BACH1: variants seen among roughly 807,000 people sequenced by gnomAD.
BACH1 encodes the protein BTB domain and CNC homolog 1.
In BACH1, 35 loss-of-function variants were observed where a neutral mutation model predicts 52.9. The ratio of observed to expected loss-of-function variants is 0.66; its 90% confidence interval spans 0.51 to 0.88. BACH1 has a LOEUF of 0.88. BACH1 is among the 40% of genes least tolerant of loss of function. The pLI is 0.00. For missense variants in BACH1, 808 were observed against 872.6 expected, an observed-to-expected ratio of 0.93 and a Z score of 0.93; for synonymous variants, 321 against 319.6, an observed-to-expected ratio of 1.00 and a Z score of -0.05.
chr21:29,331,375 T>C (rs1336108393), intron 4 of BACH1, among the ~76,000 whole-genome samples: 2 of 152,204 alleles, frequency 1.3e-5, no homozygotes, highest in Non-Finnish European at 2.9e-5. Flanking sequence ...AAAATAAAAA[T>C]AAAAGCGAAA....
intron 1 of BACH1, among the ~76,000 whole-genome samples, chr21:29,313,987 A>G (rs917971329): frequency 1.2e-4 from 18 of 152,212 alleles, no homozygotes; most frequent in African/African-American, 4.1e-4. Context: ...TCATACCTCA[A>G]AGTTGCTTAA....
intron 1 of BACH1, among the ~76,000 whole-genome samples, chr21:29,302,785 T>G (rs2088617697): frequency 6.6e-6 from 1 of 152,262 alleles, no homozygotes; most frequent in South Asian, 2.1e-4. Context: ...TGATCACAAG[T>G]GAGACTGGAA....
Position 29,327,234 on chromosome 21 carries a change from A to C in BACH1, c.1410A>C (p.Glu470Asp), listed in dbSNP as rs1355438620. The change falls in exon 3 of 5, where the codon GAA (glutamate) becomes GAC (aspartate). Residue 470 changes from glutamate (E) to aspartate (D), a missense_variant. Physicochemically the swap from Glu to Asp is conservative, Grantham distance 45. Coordinates refer to ENST00000286800, the MANE Select transcript of BACH1 (RefSeq NM_001186.4). ...NCPFISTLST[E>D]GCSSNLEIGN... ...CTTTTATAAGTACTCTGAGTACTGA[A>C]GGCTGTTCAAGCAATTTGGAAATTG... 7 of 1,614,210 alleles carry C rather than the reference A, an allele frequency of 4.3e-6. No homozygotes were observed. The South Asian group carries it at 4.4e-5, about 10-fold the overall frequency.
At chr21:29,349,071 G>C (rs1176939639), downstream of BACH1, among the ~76,000 whole-genome samples, 1 of 151,232 alleles carries the variant, frequency 6.6e-6, no homozygotes, top group East Asian at 1.9e-4. Context: ...TCCAGCCTGG[G>C]CGACAGAGTG....
chr21:29,324,728 C>G (rs1232072453), intron 2 of BACH1, among the ~76,000 whole-genome samples: 1 of 151,958 alleles, frequency 6.6e-6, no homozygotes, highest in African/African-American at 2.4e-5. Context: ...GGATAAAAGA[C>G]CAGGAGTGCA....
At chr21:29,306,891 A>G (rs1569006800) in intron 1 of BACH1, among the ~76,000 whole-genome samples, 1 of 152,254 alleles carries the variant, frequency 6.6e-6, no homozygotes, top group Non-Finnish European at 1.5e-5. Context: ...AATTTTGTCA[A>G]TAAATATATA....
At chr21:29,327,418 C>G in intron 3 of BACH1, 25 bp downstream of exon 3, 1 of 1,590,984 alleles carries the variant, frequency 6.3e-7, no homozygotes, top group Non-Finnish European at 8.6e-7. Context: ...GTTCTTAATT[C>G]ATTGTTTTAA....
At chr21:29,325,837 G>C (rs927461069) in intron 2 of BACH1, among the ~76,000 whole-genome samples, 1 of 152,062 alleles carries the variant, frequency 6.6e-6, no homozygotes, top group Non-Finnish European at 1.5e-5. Context: ...AATTAAGAGA[G>C]GACTCTATAA....
intron 2 of BACH1, among the ~76,000 whole-genome samples, chr21:29,322,738 CT>C (rs141896790): frequency 0.035 from 5,277 of 152,304 alleles, 147 homozygotes; most frequent in Non-Finnish European, 0.051. Context: ...TCCATGCCTA[CT>C]TCTGTGAAAC....
intron 1 of BACH1, among the ~76,000 whole-genome samples, chr21:29,300,420 T>A (rs1338879465): frequency 1.3e-5 from 2 of 152,188 alleles, no homozygotes; most frequent in Non-Finnish European, 2.9e-5. Context: ...CTAGAGAGGT[T>A]GCTTCAGAAG....
intron 1 of BACH1, among the ~76,000 whole-genome samples, chr21:29,301,318 T>G (rs1005388089): frequency 6.6e-6 from 1 of 152,176 alleles, no homozygotes; most frequent in Non-Finnish European, 1.5e-5. Context: ...CAATCGTGTA[T>G]TCATATTATA....
Position 29,329,535 on chromosome 21 carries a change from G to T in BACH1, c.1618G>T (p.Asp540Tyr). Residue 540 changes from aspartate (D) to tyrosine (Y), a missense_variant, in exon 4 of 5, where the codon GAT becomes TAT. Coordinates refer to ENST00000286800, the MANE Select transcript of BACH1 (RefSeq NM_001186.4). ...AQRIISLSRN[D>Y]FQSLLKMHKL... ...ACGGATAATTTCACTGTCTCGAAAT[G>T]ATTTTCAGTCCTTGTTGAAAATGCA... is the stretch of plus-strand genomic sequence containing the variant. 1.2e-6 allele frequency: 2 copies of T among 1,600,432 alleles called. No homozygotes were observed. The highest frequency in any genetic ancestry group is 2.3e-5 in the South Asian group (2 of 87,850).
At chr21:29,357,403 C>G (rs922481339) in intron 2 of BACH1, among the ~76,000 whole-genome samples, 1 of 152,174 alleles carries the variant, frequency 6.6e-6, no homozygotes, top group African/African-American at 2.4e-5. Context: ...TCGATTGGTT[C>G]CCCATCCTCT....
intron 1 of BACH1, among the ~76,000 whole-genome samples, chr21:29,319,965 T>G (rs1004396216): frequency 1.3e-5 from 2 of 152,148 alleles, no homozygotes; most frequent in South Asian, 2.1e-4. Flanking sequence ...TAAATTTATA[T>G]TCTCGTATGG....
intron 2 of BACH1, among the ~76,000 whole-genome samples, chr21:29,360,271 T>G (rs1275081888): frequency 6.6e-6 from 1 of 152,216 alleles, no homozygotes; most frequent in African/African-American, 2.4e-5. Context: ...GTCCTTAGCC[T>G]TGGCAGATAA....
rs1322775926 is a variant in BACH1, at chr21:29,329,523, C to G, written c.1606C>G (p.Leu536Val). 1.9e-6 allele frequency: 3 copies of G among 1,596,850 alleles called. No homozygotes were observed. The highest frequency in any genetic ancestry group is 1.1e-5 in the South Asian group (1 of 87,324). The change falls in exon 4 of 5, where the codon CTG becomes GTG. Residue 536 changes from leucine to valine, a missense_variant. Coordinates refer to ENST00000286800, the MANE Select transcript of BACH1 (RefSeq NM_001186.4). ...ATTCAATGCACAACGGATAATTTCA[C>G]TGTCTCGAAATGATTTTCAGTCCTT... Reference protein sequence around the residue: ...LPFNAQRIISLSRNDFQSLLK... With the variant: ...LPFNAQRIISVSRNDFQSLLK...
At chr21:29,352,005 T>C (rs1206795344) in intron 2 of BACH1, among the ~76,000 whole-genome samples, 2 of 151,722 alleles carry the variant, frequency 1.3e-5, no homozygotes, top group Admixed American at 1.3e-4. Context: ...GTACAGGAAC[T>C]ATGGGGAGGA....
Position 29,311,604 on chromosome 21 carries a change from T to C in BACH1, c.-60-9617T>C, listed in dbSNP as rs59795412. Among the ~76,000 whole-genome samples the C allele has an allele frequency of 4.0e-3, 613 of 152,332 alleles. 6 individuals are homozygous for C. The highest frequency in any genetic ancestry group is 0.014 in the African/African-American group (596 of 41,576). The stretch of plus-strand genomic sequence containing the variant: ...TCAACCTAAGATATTATCTGTTGAC[T>C]TGGTATTACTGTGGGTGATGATTTC... On this transcript the variant is annotated intron_variant, in intron 1 of 4. Coordinates refer to ENST00000286800, the MANE Select transcript of BACH1 (RefSeq NM_001186.4).
intron 1 of BACH1, chr21:29,300,871 G>A (rs556549045): frequency 6.6e-6 from 1 of 152,332 alleles, no homozygotes; most frequent in African/African-American, 2.4e-5. Flanking sequence ...GTCTCATTGG[G>A]TTAAGTCTCG....
Sources: gnomAD v4.1 joint callset for allele counts (sites outside exome capture counted in the v4.1 genomes callset) on GRCh38, gnomAD v4.1.1 for gene constraint, MANE v1.5 for transcripts, NCBI Gene and HGNC (gene_info 2026-07-23, HGNC 2026-07-21) for gene names.